Variants in ANKFN1 observed in about 807,000 individuals in gnomAD.
The protein encoded by ANKFN1 is ankyrin repeat and fibronectin type III domain containing 1, also known as ankyrin repeat and fibronectin type-III domain-containing protein 1.
Under a neutral mutation model 108.7 loss-of-function variants are expected in ANKFN1, and 74 were observed. The observed-to-expected ratio is 0.68, with a 90% CI of 0.56 to 0.83. The LOEUF is 0.83. Ranked by LOEUF, ANKFN1 falls within the 40% of genes least tolerant of loss-of-function variation. The pLI, the probability that ANKFN1 is intolerant of heterozygous loss-of-function variation, is 0.00. For missense variants in ANKFN1, 1,505 were observed against 1,382.3 expected (o/e 1.09, Z -1.41); for synonymous variants, 547 against 516.2 (o/e 1.06, Z -0.81).
intron 4 of ANKFN1, among the ~76,000 whole-genome samples, chr17:56,145,536 C>G (rs1286831785): frequency 6.6e-6 from 1 of 152,080 alleles, no homozygotes; most frequent in African/African-American, 2.4e-5. Context: ...CTGATAAAAC[C>G]ATCAGATCTC....
At chr17:56,060,203 G>A (rs1425992080) in intron 4 of ANKFN1, among the ~76,000 whole-genome samples, 3 of 151,958 alleles carry the variant, frequency 2.0e-5, no homozygotes, top group Non-Finnish European at 2.9e-5. Context: ...TTGTGAATGG[G>A]AGTTCATTCA....
At chr17:56,497,027 G>A (rs1384290781) in intron 19 of ANKFN1, among the ~76,000 whole-genome samples, 8 of 152,012 alleles carry the variant, frequency 5.3e-5, no homozygotes, top group Non-Finnish European at 1.2e-4. Flanking sequence ...ACTCTGCAAA[G>A]CTGAAAGCAA....
intron 8 of ANKFN1, among the ~76,000 whole-genome samples, chr17:56,381,260 A>AG (rs1266038069): frequency 6.6e-6 from 1 of 152,170 alleles, no homozygotes; most frequent in Non-Finnish European, 1.5e-5. Context: ...ACAAACACAA[A>AG]GACATCCACA....
chr17:56,281,009 G>T (rs749058504), intron 3 of ANKFN1, among the ~76,000 whole-genome samples: 25 of 151,742 alleles, frequency 1.6e-4, no homozygotes, highest in Non-Finnish European at 2.9e-4. Flanking sequence ...CTGCCACCGT[G>T]TGAGATGGGC....
intron 12 of ANKFN1, 26 bp from the exon 13 acceptor site, chr17:56,457,231 G>A (rs754766289): frequency 2.6e-6 from 4 of 1,535,594 alleles, no homozygotes; most frequent in Non-Finnish European, 3.5e-6. Context: ...TGAGGACAAT[G>A]CTTTTATTTT....
At chr17:56,050,343 G>T (rs914307665) in intron 4 of ANKFN1, among the ~76,000 whole-genome samples, 4 of 147,952 alleles carry the variant, frequency 2.7e-5, no homozygotes, top group African/African-American at 1.0e-4. Flanking sequence ...TTTGTAGGTT[G>T]CCTGTTCACT....
chr17:56,469,635 T>A (rs551619753), intron 15 of ANKFN1, among the ~76,000 whole-genome samples: 11 of 152,224 alleles, frequency 7.2e-5, no homozygotes, highest in African/African-American at 2.6e-4. Flanking sequence ...TAACTTCTCA[T>A]CCCTCACAGT....
chr17:56,307,147 C>G (rs368650750), intron 3 of ANKFN1, among the ~76,000 whole-genome samples: 1 of 152,126 alleles, frequency 6.6e-6, no homozygotes, highest in South Asian at 2.1e-4. Context: ...TAGGCAATAC[C>G]ATTCAGGACA....
At chr17:56,442,006 A>G (rs1051207974) in intron 9 of ANKFN1, among the ~76,000 whole-genome samples, 1 of 152,176 alleles carries the variant, frequency 6.6e-6, no homozygotes, top group Non-Finnish European at 1.5e-5. Context: ...AAAAAAATAT[A>G]AAAGCAAAAT....
intron 4 of ANKFN1, among the ~76,000 whole-genome samples, chr17:56,084,091 TGAGCCTAGG>T (rs1257516000): frequency 2.0e-5 from 3 of 151,260 alleles, no homozygotes; most frequent in African/African-American, 7.3e-5. Context: ...GACTCTGGTA[TGAGCCTAGG>T]ATGTTTCAAG....
Position 56,049,595 on chromosome 17 carries a change from T to C in ANKFN1, c.288+3270T>C, listed in dbSNP as rs1298987047. On this transcript the variant is annotated intron_variant, in intron 4 of 12. Transcript: ENST00000635860. ...TGTGATATTCCCCTTCCTGTGTCCA[T>C]GTGTTCTCATAGTTCAATTCCCACC... is the stretch of plus-strand genomic sequence containing the variant. Among the ~76,000 whole-genome samples the C allele has an allele frequency of 4.6e-5, 7 of 151,386 alleles. 2 individuals carry two copies. The Middle Eastern group carries it at 0.016, about 344-fold the overall frequency.
chr17:56,399,673 T>C (rs943563344), intron 8 of ANKFN1, among the ~76,000 whole-genome samples: 1 of 151,872 alleles, frequency 6.6e-6, no homozygotes, highest in South Asian at 2.1e-4. Flanking sequence ...TGTATTATTC[T>C]TATGCCTTTG....
At chr17:56,369,386 A>C (rs1410045518) in intron 6 of ANKFN1, among the ~76,000 whole-genome samples, 1 of 152,224 alleles carries the variant, frequency 6.6e-6, no homozygotes, top group Non-Finnish European at 1.5e-5. Flanking sequence ...AAACATTATA[A>C]AAATTGAAAA....
At chr17:56,104,021 A>G (rs1905696596) in intron 4 of ANKFN1, among the ~76,000 whole-genome samples, 2 of 152,194 alleles carry the variant, frequency 1.3e-5, no homozygotes, top group African/African-American at 2.4e-5. Flanking sequence ...TGTGGCTCCA[A>G]TATAAAATAG....
At chr17:56,367,886 A>T (rs2046701755) in intron 6 of ANKFN1, among the ~76,000 whole-genome samples, 1 of 152,218 alleles carries the variant, frequency 6.6e-6, no homozygotes, top group Non-Finnish European at 1.5e-5. Context: ...TACCAAATAG[A>T]TAACAATCAG....
intron 20 of ANKFN1, among the ~76,000 whole-genome samples, chr17:56,500,879 C>T (rs1396572270): frequency 6.6e-6 from 1 of 152,212 alleles, no homozygotes; most frequent in Non-Finnish European, 1.5e-5. Context: ...AGCATACTTA[C>T]ATTCTAGAAA....
intron 19 of ANKFN1, among the ~76,000 whole-genome samples, chr17:56,496,976 T>C (rs2051220276): frequency 6.6e-6 from 1 of 152,146 alleles, no homozygotes; most frequent in Admixed American, 6.5e-5. Context: ...AATTAGATCA[T>C]TCATTCATTC....
chr17:56,493,604 C>T (rs2051107273), intron 19 of ANKFN1, among the ~76,000 whole-genome samples: 1 of 152,074 alleles, frequency 6.6e-6, no homozygotes, highest in Non-Finnish European at 1.5e-5. Context: ...GAAATCTGTA[C>T]TTTTTTTCTG....
In ANKFN1 at chr17:56,053,984, T is replaced by A. The variant is rs1217376642; in HGVS notation, c.288+7659T>A. Among the ~76,000 whole-genome samples the A allele has an allele frequency of 2.0e-5, 3 of 152,212 alleles. No homozygotes were observed. In the East Asian group the frequency reaches 5.8e-4, roughly 29 times the overall value. On this transcript the variant is annotated intron_variant, in intron 4 of 12. Coordinates refer to the ANKFN1 transcript ENST00000635860. The stretch of plus-strand genomic sequence containing the variant: ...ATGTACGTTGTACCTAATGTGTAGT[T>A]TTTTATCCCTAGCCATTCTTCCTCC...
Sources: gnomAD v4.1 joint callset for allele counts (sites outside exome capture counted in the v4.1 genomes callset) on GRCh38, gnomAD v4.1.1 for gene constraint, MANE v1.5 for transcripts, NCBI Gene and HGNC (gene_info 2026-07-23, HGNC 2026-07-21) for gene names.